ARID1A: variants seen among roughly 807,000 people sequenced by gnomAD.
ARID1A encodes AT-rich interactive domain-containing protein 1A.
ARID1A carries 20 observed loss-of-function variants against 212.6 expected under a neutral mutation model. The ratio of observed to expected loss-of-function variants is 0.09; its 90% CI spans 0.07 to 0.14. The LOEUF (loss-of-function observed/expected upper bound fraction) is 0.14. ARID1A is among the 10% of genes least tolerant of loss of function. The pLI is 1.00. For synonymous variants in ARID1A, 1,376 were observed against 1,222.1 expected, an observed-to-expected ratio of 1.13 and a Z score of -2.63; for missense variants, 2,587 against 3,059.0, an observed-to-expected ratio of 0.85 and a Z score of 3.64.
chr1:26,705,240 C>T (rs1210117204), intron 1 of ARID1A, among the ~76,000 whole-genome samples: 3 of 151,928 alleles, frequency 2.0e-5, no homozygotes, highest in Admixed American at 6.6e-5. Flanking sequence ...CAGGTTCAAG[C>T]GATTCTCATG....
intron 4 of ARID1A, among the ~76,000 whole-genome samples, chr1:26,737,553 G>A (rs1230732570): frequency 1.3e-5 from 2 of 152,090 alleles, no homozygotes; most frequent in Non-Finnish European, 2.9e-5. Flanking sequence ...TTACCCAGGG[G>A]AGTGTATTAT....
At chr1:26,714,858 T>G (rs751244589) in intron 1 of ARID1A, among the ~76,000 whole-genome samples, 10 of 152,208 alleles carry the variant, frequency 6.6e-5, no homozygotes, top group Non-Finnish European at 1.3e-4. Flanking sequence ...TAGGAATTAA[T>G]GAAATAAACA....
intron 1 of ARID1A, among the ~76,000 whole-genome samples, chr1:26,702,258 C>T (rs569719094): frequency 2.6e-5 from 4 of 152,300 alleles, no homozygotes; most frequent in Admixed American, 6.5e-5. Flanking sequence ...TGTTTCTCAT[C>T]GCTATGGTTT....
Position 26,724,201 on chromosome 1 carries a change from G to T in ARID1A, c.1138-5450G>T, listed in dbSNP as rs543277541. ...AGGTTATAGCTCTAGGTTTACACTAGCCCCAACTAGTTAGCATTTAGGATG... is the reference window on the plus strand; with the variant it reads ...AGGTTATAGCTCTAGGTTTACACTATCCCCAACTAGTTAGCATTTAGGATG... On this transcript the variant is annotated intron_variant, in intron 1 of 19. Coordinates refer to ENST00000324856, the MANE Select transcript of ARID1A (RefSeq NM_006015.6). 4.6e-5 allele frequency among the ~76,000 whole-genome samples: 7 copies of T among 152,204 alleles called. No individual in the cohort carries two copies. The East Asian group carries it at 1.4e-3, about 29-fold the overall frequency.
At position 26,774,205 on chromosome 1, in the gene ARID1A, T is replaced by C; in HGVS notation, c.4102-124T>C. ...AACTTCAAAAGACAATTTGTTAAGGTGATTCCCATGTTTTCTTGGAGTCTG... is the reference window on the plus strand; with the variant it reads ...AACTTCAAAAGACAATTTGTTAAGGCGATTCCCATGTTTTCTTGGAGTCTG... On this transcript the variant is annotated intron_variant, in intron 17 of 19. Coordinates refer to ENST00000324856, the MANE Select transcript of ARID1A (RefSeq NM_006015.6). This position sits in a 1 kb window ranked among gnomAD's most constrained non-coding sequence, Gnocchi z 5.6. 2.1e-6 allele frequency: 3 copies of C among 1,459,576 alleles called. No homozygotes were observed. The highest frequency in any genetic ancestry group is 2.7e-6 in the Non-Finnish European group (3 of 1,103,714). 90.4% of individuals were successfully genotyped at this position (1,459,576 alleles called of 1,614,324 possible). A position where few individuals can be genotyped will look rare whatever the true frequency, so the allele number is the denominator to read the frequency against.
In ARID1A at chr1:26,773,510, C is replaced by T. The variant is rs184190609; in HGVS notation, c.3866+14C>T. 18 of 1,612,780 alleles carry T rather than the reference C, an allele frequency of 1.1e-5. No homozygotes were observed. The Admixed American group carries it at 1.7e-4, about 15-fold the overall frequency. ...TGACAGAGTGAGGTAAGCATGACCC[C>T]AGCTCCTGTCCACTCCCCCAGCACC... On this transcript the variant is annotated intron_variant, in intron 15 of 19. Transcript: ENST00000324856.
intron 1 of ARID1A, among the ~76,000 whole-genome samples, chr1:26,710,490 T>TACACACACACACACACACACACAC (rs1291075615): frequency 5.2e-4 from 5 of 9,706 alleles, no homozygotes; most frequent in Admixed American, 1.5e-3. Context: ...AATAAAATAA[T>TACACACACACACACACACACACAC]ACATACACAC....
intron 1 of ARID1A, among the ~76,000 whole-genome samples, chr1:26,700,062 C>CA (rs1293707830): frequency 6.6e-6 from 1 of 152,198 alleles, no homozygotes; most frequent in Non-Finnish European, 1.5e-5. Flanking sequence ...GTCTACTCCC[C>CA]AGAGACCCAG....
At chr1:26,752,446 CT>C (rs1382231820) in intron 4 of ARID1A, among the ~76,000 whole-genome samples, 1 of 152,164 alleles carries the variant, frequency 6.6e-6, no homozygotes, top group Non-Finnish European at 1.5e-5. Context: ...ATGACTGAAA[CT>C]TTATTGTACA....
chr1:26,755,264 A>G (rs1354744034), intron 4 of ARID1A, among the ~76,000 whole-genome samples: 3 of 152,254 alleles, frequency 2.0e-5, no homozygotes. Context: ...CTATGCTAAC[A>G]TTTTGGCTCT....
At chr1:26,754,081 A>G (rs1177970129) in intron 4 of ARID1A, among the ~76,000 whole-genome samples, 1 of 152,218 alleles carries the variant, frequency 6.6e-6, no homozygotes, top group Non-Finnish European at 1.5e-5. Flanking sequence ...TGCTGGGATT[A>G]CAGGCATGAG....
chr1:26,714,202 C>G (rs372470702), intron 1 of ARID1A, among the ~76,000 whole-genome samples: 1 of 152,120 alleles, frequency 6.6e-6, no homozygotes, highest in South Asian at 2.1e-4. Flanking sequence ...CCTGTATACT[C>G]CTGGGATAAA....
chr1:26,697,312 C>G lies in ARID1A; in HGVS notation c.909C>G (p.Ser303Arg), dbSNP rs1297653730. The change falls in exon 1 of 20, where the codon AGC (serine) becomes AGG (arginine). Residue 303 changes from serine (S) to arginine (R), a missense_variant. By Grantham distance (110) the Ser-to-Arg change is moderately radical. Around this residue, in one of 11 missense-constraint regions of ARID1A, gnomAD observed 735 missense variants for 590.6 expected, o/e 1.24. Transcript: ENST00000324856. ...PTLNQLLTSP[S>R]SARGYQGYPG... ...TCAACCAACTGCTCACGTCGCCCAG[C>G]TCGGCCCGGGGCTACCAGGGCTACC... 1 of 1,347,350 alleles carries G rather than the reference C, an allele frequency of 7.4e-7. No homozygotes were observed. The highest frequency in any genetic ancestry group is 1.5e-5 in the African/African-American group (1 of 65,454). 83.5% of individuals were successfully genotyped at this position (1,347,350 alleles called of 1,614,324 possible).
At chr1:26,748,123 G>A (rs1413928484) in intron 4 of ARID1A, among the ~76,000 whole-genome samples, 3 of 152,186 alleles carry the variant, frequency 2.0e-5, no homozygotes, top group Non-Finnish European at 4.4e-5. Context: ...AAATTTAAGA[G>A]TTTACAAAAC....
chr1:26,697,154 C>T lies in ARID1A; in HGVS notation c.751C>T (p.Pro251Ser), dbSNP rs1475461928. The change falls in exon 1 of 20, where the codon CCG (proline) becomes TCG (serine). Residue 251 changes from proline (P) to serine (S), a missense_variant. By Grantham distance (74) the Pro-to-Ser change is moderately conservative. Transcript: ENST00000324856. ...CGCGGCGGCGGCTGCCGGCTCCAAG[C>T]CGCCTCCCTCCTCCAGCGCCTCCGC... ...SGAAAAAGSK[P>S]PPSSSASASS... 2 of 1,440,364 alleles carry T rather than the reference C, an allele frequency of 1.4e-6. No individual in the cohort carries two copies. The highest frequency in any genetic ancestry group is 1.8e-6 in the Non-Finnish European group (2 of 1,099,920). The allele number at this position is 1,440,364 out of a possible 1,614,324, so 89.2% of individuals were successfully genotyped here.
At chr1:26,705,010 A>C (rs1364683063) in intron 1 of ARID1A, among the ~76,000 whole-genome samples, 1 of 152,100 alleles carries the variant, frequency 6.6e-6, no homozygotes, top group Non-Finnish European at 1.5e-5. Context: ...GGGCCTTGGC[A>C]CTTCACCGGT....
At chr1:26,710,689 G>C (rs903372698) in intron 1 of ARID1A, among the ~76,000 whole-genome samples, 3 of 151,964 alleles carry the variant, frequency 2.0e-5, no homozygotes, top group African/African-American at 7.3e-5. Flanking sequence ...AGTCCTCTAG[G>C]CCATTCTGAT....
At chr1:26,719,181 A>G (rs888616005) in intron 1 of ARID1A, among the ~76,000 whole-genome samples, 2 of 152,164 alleles carry the variant, frequency 1.3e-5, no homozygotes, top group African/African-American at 4.8e-5. Flanking sequence ...TTTTGTATAC[A>G]TATCTCTTAT....
In ARID1A at chr1:26,696,497, C is replaced by T. The variant is rs1391215210; in HGVS notation, c.94C>T (p.Arg32Trp). The T allele has an allele frequency of 1.6e-6, 2 of 1,236,668 alleles. No individual in the cohort carries two copies. Among genetic ancestry groups the T allele is most frequent in the South Asian group, 3.4e-5 (1 of 28,992 alleles). 76.6% of individuals were successfully genotyped at this position (1,236,668 alleles called of 1,614,324 possible). ...GCTGAAGAAAGCCGAGCAGCAGCAGCGGGAGGAGGCGGGGGGCGAGGCGGC... is the reference window on the plus strand; with the variant it reads ...GCTGAAGAAAGCCGAGCAGCAGCAGTGGGAGGAGGCGGGGGGCGAGGCGGC... ...SELKKAEQQQ[R>W]EEAGGEAAAA... The change falls in exon 1 of 20, where the codon CGG (arginine) becomes TGG (tryptophan). Residue 32 changes from arginine to tryptophan, a missense_variant. Physicochemically the swap from Arg to Trp is moderately radical, Grantham distance 101. Transcript: ENST00000324856.
Sources: allele counts gnomAD v4.1 joint callset (sites outside exome capture counted in the v4.1 genomes callset), GRCh38; gene constraint gnomAD v4.1.1; regional missense constraint gnomAD v4.1.1; non-coding constraint Gnocchi (gnomAD v3.1); transcripts MANE v1.5; gene names NCBI Gene and HGNC (gene_info 2026-07-23, HGNC 2026-07-21).